The following UGT1A8 variants were observed in gnomAD, a reference collection of about 807,000 sequenced individuals.
UGT1A8 encodes the protein UDP-glucuronosyltransferase 1A8.
UGT1A8 carries 39 observed loss-of-function variants against 45.3 expected under a neutral mutation model. The ratio of observed to expected loss-of-function variants is 0.86; its 90% CI spans 0.67 to 1.12. The LOEUF is 1.12. Among genes scored for constraint, UGT1A8 ranks in the 50% most tolerant of loss-of-function variants. The probability of loss-of-function intolerance (pLI) is 0.00; values close to 1 mark genes in which losing one functional copy is unlikely to be tolerated. For synonymous variants in UGT1A8, 275 were observed against 249.2 expected, an observed-to-expected ratio of 1.10 and a Z score of -0.97; for missense variants, 719 against 664.9, an observed-to-expected ratio of 1.08 and a Z score of -0.90.
At chr2:233,747,217 G>T in intron 1 of UGT1A8, 3 of 1,605,392 alleles carry the variant, frequency 1.9e-6, no homozygotes, top group Non-Finnish European at 1.7e-6. Flanking sequence ...TGCTGAGATG[G>T]CCACAGGACC....
intron 1 of UGT1A8, chr2:233,747,106 CATG>C: frequency 1.5e-6 from 2 of 1,377,620 alleles, no homozygotes; most frequent in Non-Finnish European, 2.0e-6. Context: ...CTTCCAATTA[CATG>C]ATGATTTGCT....
intron 1 of UGT1A8, among the ~76,000 whole-genome samples, chr2:233,637,942 A>G (rs550761794): frequency 2.2e-4 from 34 of 152,300 alleles, no homozygotes; most frequent in Admixed American, 4.6e-4. Flanking sequence ...CTTTGGATAC[A>G]ATGTAGTTTT....
chr2:233,641,110 T>C (rs1023138912), intron 1 of UGT1A8, among the ~76,000 whole-genome samples: 1 of 152,194 alleles, frequency 6.6e-6, no homozygotes, highest in African/African-American at 2.4e-5. Context: ...AGCACCATCC[T>C]ATAAAATCCT....
chr2:233,713,020 C>G (rs143190267), intron 1 of UGT1A8: 1 of 1,613,734 alleles, frequency 6.2e-7, no homozygotes, highest in South Asian at 1.1e-5. Context: ...GTTCCCCTGC[C>G]GCAGCTGGCC....
chr2:233,687,715 C>G (rs2074859445), intron 1 of UGT1A8, among the ~76,000 whole-genome samples: 1 of 151,616 alleles, frequency 6.6e-6, no homozygotes, highest in Admixed American at 6.6e-5. Context: ...CCAGCCTGGA[C>G]AACATAGGGA....
intron 1 of UGT1A8, among the ~76,000 whole-genome samples, chr2:233,752,750 C>CAA (rs1695052572): frequency 6.6e-6 from 1 of 151,980 alleles, no homozygotes; most frequent in Non-Finnish European, 1.5e-5. Context: ...GTCTCTAAAA[C>CAA]AAACAAACAA....
chr2:233,627,393 GT>G (rs2073102967), intron 1 of UGT1A8, among the ~76,000 whole-genome samples: 2 of 151,872 alleles, frequency 1.3e-5, no homozygotes, highest in Admixed American at 1.3e-4. Flanking sequence ...AAATTTTCCA[GT>G]TTTAGATTCT....
At chr2:233,751,878 G>C (rs139907629) in intron 1 of UGT1A8, among the ~76,000 whole-genome samples, 11 of 152,224 alleles carry the variant, frequency 7.2e-5, no homozygotes, top group African/African-American at 2.4e-4. Flanking sequence ...CCCCGTCTTG[G>C]GTATGTCTTT....
chr2:233,747,196 T>C, intron 1 of UGT1A8: 1 of 1,604,480 alleles, frequency 6.2e-7, no homozygotes, highest in Non-Finnish European at 8.5e-7. Flanking sequence ...CAGTCAGCTG[T>C]CCGTGTCTTC....
Position 233,690,202 on chromosome 2 carries a change from T to A in UGT1A8, c.855+71640T>A, listed in dbSNP as rs377693570. Among the ~76,000 whole-genome samples the A allele has an allele frequency of 3.9e-5, 6 of 152,242 alleles. No homozygotes were observed. The South Asian group carries it at 8.3e-4, about 21-fold the overall frequency. On this transcript the variant is annotated intron_variant, in intron 1 of 4. Transcript: ENST00000373450. ...GCCATTTCATAAAATATTCATAAAT[T>A]CAATGTTTGCCATTTTAGTATTCTA... is the stretch of plus-strand genomic sequence containing the variant.
At chr2:233,768,582 C>CTTTTTTTTTTTTT (rs139595073) in intron 4 of UGT1A8, 143 bp downstream of exon 4, 1 of 867,188 alleles carries the variant, frequency 1.2e-6, no homozygotes, top group Non-Finnish European at 1.4e-6. Context: ...TTTATTTCTT[C>CTTTTTTTTTTTTT]TTTTTTTTTT....
intron 1 of UGT1A8, among the ~76,000 whole-genome samples, chr2:233,717,504 C>T (rs1170587826): frequency 6.6e-6 from 1 of 152,186 alleles, no homozygotes; most frequent in Non-Finnish European, 1.5e-5. Flanking sequence ...ATGTGGATTT[C>T]TAATGGGAGT....
chr2:233,752,857 TTG>T (rs1695078036), intron 1 of UGT1A8, among the ~76,000 whole-genome samples: 1 of 152,216 alleles, frequency 6.6e-6, no homozygotes, highest in Non-Finnish European at 1.5e-5. Flanking sequence ...AATTTGAACT[TTG>T]TGTTAGCTTT....
chr2:233,724,960 GCCGAGGTTGGCGGAT>G (rs567349076), intron 1 of UGT1A8, among the ~76,000 whole-genome samples: 4,803 of 144,840 alleles, frequency 0.033, 234 homozygotes, highest in African/African-American at 0.051. Context: ...ACCTCGGGAG[GCCGAGGTTGGCGGAT>G]CACTCGCGGT....
At chr2:233,761,216 A>T in intron 1 of UGT1A8, 2 of 1,613,736 alleles carry the variant, frequency 1.2e-6, no homozygotes, top group Non-Finnish European at 1.7e-6. Flanking sequence ...TGGATCGATT[A>T]ACTAGCCCCA....
intron 1 of UGT1A8, among the ~76,000 whole-genome samples, chr2:233,628,225 TAATA>T (rs1254087656): frequency 1.3e-5 from 2 of 152,110 alleles, no homozygotes; most frequent in African/African-American, 2.4e-5. Context: ...TATTTTAAAG[TAATA>T]AATAATAACA....
chr2:233,692,922 T>G (rs1238598639), intron 1 of UGT1A8: 1 of 1,573,000 alleles, frequency 6.4e-7, no homozygotes, highest in Non-Finnish European at 8.6e-7. Context: ...AAGCAGTGGT[T>G]AGTTTAGGGA....
intron 1 of UGT1A8, among the ~76,000 whole-genome samples, chr2:233,619,557 T>C (rs2125447316): frequency 6.6e-6 from 1 of 152,322 alleles, no homozygotes. Flanking sequence ...TGTCTCACTA[T>C]TTATTCAGGT....
At chr2:233,680,074 T>C (rs189153237) in intron 1 of UGT1A8, among the ~76,000 whole-genome samples, 4 of 152,298 alleles carry the variant, frequency 2.6e-5, no homozygotes, top group Admixed American at 2.0e-4. Context: ...TCTATCTTCA[T>C]TGATTTTGAA....
Sources: gnomAD v4.1 joint callset for allele counts (sites outside exome capture counted in the v4.1 genomes callset) on GRCh38, gnomAD v4.1.1 for gene constraint, MANE v1.5 for transcripts, NCBI Gene and HGNC (gene_info 2026-07-23, HGNC 2026-07-21) for gene names.